Variants in TENM3 observed in about 807,000 individuals in gnomAD.
The protein encoded by TENM3 is teneurin-3.
In TENM3, 63 loss-of-function variants were observed where a neutral mutation model predicts 255.1. The ratio of observed to expected loss-of-function variants is 0.25; its 90% CI spans 0.20 to 0.30. The LOEUF is 0.30. TENM3 is among the 10% of genes least tolerant of loss of function. The pLI is 1.00. For synonymous variants in TENM3, 1,306 were observed against 1,322.3 expected (o/e 0.99, Z 0.27); for missense variants, 2,929 against 3,461.1 (o/e 0.85, Z 3.86).
At chr4:182,044,688 AT>A in the TENM3 span, among the ~76,000 whole-genome samples, 3,817 of 152,282 alleles carry the variant, frequency 0.025, 168 homozygotes, top group African/African-American at 0.085. Flanking sequence ...CAAGGCTATC[AT>A]TTTTTTGTCA....
chr4:182,094,431 A>G, the TENM3 span, among the ~76,000 whole-genome samples: 1 of 152,128 alleles, frequency 6.6e-6, no homozygotes, highest in Admixed American at 6.6e-5. Flanking sequence ...CGTTTTTAGT[A>G]GAGACGGGGT....
chr4:182,729,255 A>G (rs1229869734), intron 14 of TENM3, 74 bp downstream of exon 14: 1 of 1,294,472 alleles, frequency 7.7e-7, no homozygotes, highest in African/African-American at 1.5e-5. Context: ...TGAAATACTC[A>G]TGACTGTGAA....
the TENM3 span, among the ~76,000 whole-genome samples, chr4:181,919,374 G>GGTGTGTGTGTGTGTGT: frequency 0.074 from 10,789 of 146,670 alleles, 468 homozygotes; most frequent in African/African-American, 0.093. Context: ...AAGCAAAGCA[G>GGTGTGTGTGTGTGTGT]GTGTGTGTGT....
At chr4:182,718,332 G>T (rs1209750457) in intron 13 of TENM3, among the ~76,000 whole-genome samples, 3 of 151,970 alleles carry the variant, frequency 2.0e-5, no homozygotes, top group African/African-American at 7.3e-5. Context: ...CCCCAAAAAG[G>T]CCACCACCAG....
At chr4:182,080,442 AG>A in the TENM3 span, among the ~76,000 whole-genome samples, 1 of 152,168 alleles carries the variant, frequency 6.6e-6, no homozygotes, top group Non-Finnish European at 1.5e-5. Context: ...AAAGGACTTG[AG>A]TGTAAAGTAA....
the TENM3 span, among the ~76,000 whole-genome samples, chr4:181,697,975 G>A: frequency 1.3e-5 from 2 of 151,992 alleles, no homozygotes; most frequent in African/African-American, 4.8e-5. Flanking sequence ...AGCACTTTGG[G>A]AGGCCAAGGC....
intron 1 of TENM3, among the ~76,000 whole-genome samples, chr4:182,196,728 T>G (rs1289450847): frequency 6.6e-6 from 1 of 152,338 alleles, no homozygotes; most frequent in Admixed American, 6.5e-5. Flanking sequence ...TTGTGATCAT[T>G]AAAGTTTTTC....
the TENM3 span, among the ~76,000 whole-genome samples, chr4:181,732,608 A>C: frequency 1.3e-5 from 2 of 152,162 alleles, no homozygotes; most frequent in Admixed American, 6.5e-5. Context: ...AGAACTTTCC[A>C]TTTCAGATTT....
chr4:181,690,388 A>G, the TENM3 span, among the ~76,000 whole-genome samples: 2 of 152,220 alleles, frequency 1.3e-5, no homozygotes, highest in Admixed American at 6.5e-5. Context: ...CACCACCAAT[A>G]ACCATTGTCA....
intron 1 of TENM3, among the ~76,000 whole-genome samples, chr4:182,266,383 TA>T (rs1759245651): frequency 6.6e-6 from 1 of 152,228 alleles, no homozygotes; most frequent in African/African-American, 2.4e-5. Context: ...AGAAAACTTC[TA>T]AAAATTAATT....
At chr4:181,527,006 T>C in the TENM3 span, among the ~76,000 whole-genome samples, 2,237 of 152,288 alleles carry the variant, frequency 0.015, 39 homozygotes, top group African/African-American at 0.043. Flanking sequence ...TGGTCCTCCT[T>C]GCTCAGTGAC....
chr4:182,066,599 A>AAAAAATAT, the TENM3 span, among the ~76,000 whole-genome samples: 306 of 137,096 alleles, frequency 2.2e-3, no homozygotes, highest in Admixed American at 3.7e-3. Flanking sequence ...GTAAAAAAAA[A>AAAAAATAT]ATATATATAT....
chr4:181,618,870 C>T, the TENM3 span, among the ~76,000 whole-genome samples: 4 of 152,296 alleles, frequency 2.6e-5, no homozygotes, highest in African/African-American at 9.6e-5. Context: ...GCCAACTCAA[C>T]AAAGTGGGCA....
At chr4:182,199,023 A>G (rs1370074342) in intron 1 of TENM3, among the ~76,000 whole-genome samples, 7 of 152,146 alleles carry the variant, frequency 4.6e-5, no homozygotes, top group African/African-American at 1.7e-4. Context: ...ATGTTAGTAA[A>G]CTTTGAACAA....
the TENM3 span, among the ~76,000 whole-genome samples, chr4:181,856,091 GAAAGGGA>G: frequency 7.7e-5 from 10 of 130,256 alleles, no homozygotes; most frequent in Middle Eastern, 4.5e-3. Context: ...AGGAAGGAAG[GAAAGGGA>G]AAGAAGGAAG....
intron 3 of TENM3, among the ~76,000 whole-genome samples, chr4:182,372,407 C>T (rs906258361): frequency 3.3e-5 from 5 of 152,212 alleles, no homozygotes; most frequent in African/African-American, 9.6e-5. Context: ...AAAAAATACT[C>T]GACAGTGCAG....
In TENM3 at chr4:182,282,503, G is replaced by A. The variant is rs1424581962; in HGVS notation, c.-76+39027G>A. Among the ~76,000 whole-genome samples, 4 of 152,120 alleles carry A rather than the reference G, an allele frequency of 2.6e-5. No individual in the cohort carries two copies. The East Asian group carries it at 5.8e-4, about 22-fold the overall frequency. On this transcript the variant is annotated intron_variant, in intron 1 of 27. Coordinates refer to ENST00000511685, the MANE Select transcript of TENM3 (RefSeq NM_001080477.4). Reference sequence around the variant, plus strand: ...ATGACAATCGAAAGTGGCTGTCATCGGTAAGTGAAAGTAAGTGCGGAGTAC... The same window carrying A: ...ATGACAATCGAAAGTGGCTGTCATCAGTAAGTGAAAGTAAGTGCGGAGTAC...
chr4:181,925,043 T>C, the TENM3 span, among the ~76,000 whole-genome samples: 1 of 152,218 alleles, frequency 6.6e-6, no homozygotes, highest in African/African-American at 2.4e-5. Flanking sequence ...CGTCTTCTAT[T>C]CCTTTGCAAC....
At chr4:182,308,902 A>G (rs563609903) in intron 1 of TENM3, among the ~76,000 whole-genome samples, 9 of 128,694 alleles carry the variant, frequency 7.0e-5, no homozygotes, top group Admixed American at 2.9e-4. Flanking sequence ...TTAAAAACAA[A>G]CAATAAACAC....
Sources: gnomAD v4.1 joint callset for allele counts (sites outside exome capture counted in the v4.1 genomes callset) on GRCh38, gnomAD v4.1.1 for gene constraint, MANE v1.5 for transcripts, NCBI Gene and HGNC (gene_info 2026-07-23, HGNC 2026-07-21) for gene names.